The following DSG2 variants were observed in gnomAD, a reference collection of about 807,000 sequenced individuals.
The protein encoded by DSG2 is desmoglein 2.
In DSG2, 45 loss-of-function variants were observed where a neutral mutation model predicts 75.6. That is an observed-to-expected ratio of 0.60 (90% CI 0.47 to 0.76). The LOEUF (loss-of-function observed/expected upper bound fraction) is 0.76. Ranked by LOEUF, DSG2 falls within the 30% of genes least tolerant of loss-of-function variation. The pLI is 0.00. For synonymous variants in DSG2, 429 were observed against 483.9 expected, an observed-to-expected ratio of 0.89 and a Z score of 1.49; for missense variants, 1,267 against 1,357.4, an observed-to-expected ratio of 0.93 and a Z score of 1.05.
chr18:31,531,919 G>A (rs938252087), intron 9 of DSG2, among the ~76,000 whole-genome samples: 1 of 152,164 alleles, frequency 6.6e-6, no homozygotes, highest in Non-Finnish European at 1.5e-5. Flanking sequence ...TCTCAGTGCC[G>A]TGCCACGGAA....
At chr18:31,543,024 C>G (rs2073280411) in intron 14 of DSG2, 172 bp downstream of exon 14, 1 of 570,084 alleles carries the variant, frequency 1.8e-6, no homozygotes, top group South Asian at 3.0e-5. Context: ...ATGGGACCCA[C>G]AGAATCAGTC....
intron 1 of DSG2, among the ~76,000 whole-genome samples, chr18:31,512,019 C>T (rs1374335687): frequency 6.6e-6 from 1 of 152,170 alleles, no homozygotes; most frequent in Admixed American, 6.5e-5. Context: ...TGTACAAAAC[C>T]TCTAATATGC....
Position 31,516,220 on chromosome 18 carries a change from G to T in DSG2, c.46-2019G>T, listed in dbSNP as rs141561630. On this transcript the variant is annotated intron_variant, in intron 1 of 14. Coordinates refer to ENST00000261590, the MANE Select transcript of DSG2 (RefSeq NM_001943.5). ...GAAATAAATGTATTGATTAGCCAAT[G>T]GAGAAGGAAGATAAAAGGTTAGTGG... Among the ~76,000 whole-genome samples, 9 of 152,230 alleles carry T rather than the reference G, an allele frequency of 5.9e-5. No individual in the cohort carries two copies. The East Asian group carries it at 1.7e-3, about 29-fold the overall frequency.
chr18:31,543,045 A>G, intron 14 of DSG2, 193 bp downstream of exon 14: 2 of 527,112 alleles, frequency 3.8e-6, no homozygotes, highest in East Asian at 3.0e-5. Context: ...GGTGTTAGCT[A>G]AATTATGCTG....
At chr18:31,516,297 T>G (rs1318815284) in intron 1 of DSG2, among the ~76,000 whole-genome samples, 1 of 152,020 alleles carries the variant, frequency 6.6e-6, no homozygotes, top group African/African-American at 2.4e-5. Flanking sequence ...GAGTTGCAAA[T>G]AAAGCACACA....
At chr18:31,537,869 G>T (rs2073240840) in intron 11 of DSG2, among the ~76,000 whole-genome samples, 2 of 151,934 alleles carry the variant, frequency 1.3e-5, no homozygotes, top group Admixed American at 6.6e-5. Context: ...TGGGCATGGT[G>T]GTGGGCACCT....
At chr18:31,501,724 G>C (rs1310057670) in intron 1 of DSG2, among the ~76,000 whole-genome samples, 1 of 152,142 alleles carries the variant, frequency 6.6e-6, no homozygotes. Context: ...AAGAACATCG[G>C]TTGTACTGGA....
chr18:31,511,459 A>G (rs545060002), intron 1 of DSG2, among the ~76,000 whole-genome samples: 1 of 152,378 alleles, frequency 6.6e-6, no homozygotes, highest in African/African-American at 2.4e-5. Context: ...TCTGTGAGAT[A>G]GAGGATCTTA....
intron 11 of DSG2, among the ~76,000 whole-genome samples, chr18:31,536,813 CACCCTATGTATT>C (rs1233913671): frequency 1.3e-5 from 2 of 152,054 alleles, no homozygotes; most frequent in Non-Finnish European, 2.9e-5. Context: ...TCTGCTAGCC[CACCCTATGTATT>C]ACCATATTTA....
Position 31,524,688 on chromosome 18 carries a change from G to A in DSG2, c.829-15G>A. The A allele has an allele frequency of 6.2e-7, 1 of 1,613,972 alleles. No individual in the cohort carries two copies. The highest frequency in any genetic ancestry group is 1.1e-5 in the South Asian group (1 of 91,068). On this transcript the variant is annotated splice_polypyrimidine_tract_variant and intron_variant, in intron 7 of 14. Transcript: ENST00000261590. ...TATTTCATTGAAATAAAAATCATGT[G>A]TTCATGTTTTGCAGCTTGAAGGGAT... is the stretch of plus-strand genomic sequence containing the variant.
At chr18:31,544,402 A>G (rs1250201532) in intron 14 of DSG2, among the ~76,000 whole-genome samples, 1 of 152,206 alleles carries the variant, frequency 6.6e-6, no homozygotes, top group Non-Finnish European at 1.5e-5. Flanking sequence ...ATTATACTTC[A>G]TGAAAATTTG....
At chr18:31,537,013 A>G (rs2073235085) in intron 11 of DSG2, among the ~76,000 whole-genome samples, 1 of 152,182 alleles carries the variant, frequency 6.6e-6, no homozygotes. Context: ...ATCTAGACAC[A>G]TGGACCATAT....
chr18:31,535,474 C>A, intron 10 of DSG2, 62 bp downstream of exon 10: 1 of 1,397,094 alleles, frequency 7.2e-7, no homozygotes, highest in African/African-American at 1.4e-5. Context: ...TTTCCAACAT[C>A]AGAAACCATT....
At chr18:31,545,539 T>C (rs964326065) in intron 14 of DSG2, among the ~76,000 whole-genome samples, 182 bp from the exon 15 acceptor site, 1 of 152,204 alleles carries the variant, frequency 6.6e-6, no homozygotes, top group Admixed American at 6.5e-5. Context: ...ATTAATTTTT[T>C]TTAAGAATAC....
chr18:31,536,346 A>C lies in DSG2; in HGVS notation c.1568A>C (p.His523Pro). The C allele has an allele frequency of 1.2e-6, 2 of 1,614,206 alleles. No homozygotes were observed. Among genetic ancestry groups the C allele is most frequent in the Non-Finnish European group, 1.7e-6 (2 of 1,180,030 alleles). ...VNVTAEDLDG[H>P]PNSGPFSFSV... ...GTTACTGCAGAGGACCTGGATGGAC[A>C]CCCAAACAGTGGCCCTTTCAGTTTC... The change falls in exon 11 of 15, where the codon CAC becomes CCC. Residue 523 changes from histidine (H) to proline (P), a missense_variant. His to Pro is a moderately conservative substitution (Grantham distance 77). Transcript: ENST00000261590.
At chr18:31,498,971 G>A (rs1243382812) in intron 1 of DSG2, among the ~76,000 whole-genome samples, 1 of 152,084 alleles carries the variant, frequency 6.6e-6, no homozygotes, top group Non-Finnish European at 1.5e-5. Flanking sequence ...AAAGGTTACA[G>A]AAAATGGAAG....
At chr18:31,535,196 G>C (rs1032720809) in intron 9 of DSG2, 74 bp from the exon 10 acceptor site, 1 of 999,970 alleles carries the variant, frequency 1.0e-6, no homozygotes, top group Non-Finnish European at 1.5e-6. Flanking sequence ...AAGTAAGCTT[G>C]AAAGAGCTGT....
In DSG2 at chr18:31,524,505, G is replaced by T. The variant is rs1459918321; in HGVS notation, c.748G>T (p.Asp250Tyr). The T allele has an allele frequency of 6.2e-7, 1 of 1,614,160 alleles. No homozygotes were observed. The highest frequency in any genetic ancestry group is 8.5e-7 in the Non-Finnish European group (1 of 1,180,026). The change falls in exon 7 of 15, where the codon GAC (aspartate) becomes TAC (tyrosine). Residue 250 changes from aspartate (D) to tyrosine (Y), a missense_variant. By Grantham distance (160) the Asp-to-Tyr change is radical. Transcript: ENST00000261590. The part of the protein sequence containing the change: ...EARDGNGEVT[D>Y]KPVKQAQVQI... The stretch of plus-strand genomic sequence containing the variant: ...AAGAGATGGCAATGGAGAAGTTACA[G>T]ACAAACCTGTAAAACAAGCTCAAGT...
intron 1 of DSG2, among the ~76,000 whole-genome samples, chr18:31,515,357 G>A (rs148798732): frequency 0.02 from 3,092 of 152,004 alleles, 32 homozygotes; most frequent in Middle Eastern, 0.065. Context: ...CGCCTGCCTC[G>A]GCCTCCCTAA....
Sources: gnomAD v4.1 joint callset for allele counts (sites outside exome capture counted in the v4.1 genomes callset) on GRCh38, gnomAD v4.1.1 for gene constraint, MANE v1.5 for transcripts, NCBI Gene and HGNC (gene_info 2026-07-23, HGNC 2026-07-21) for gene names.